Variants in KIF21A observed in about 807,000 individuals in gnomAD.
The protein encoded by KIF21A is kinesin family member 21A.
KIF21A carries 114 observed loss-of-function variants against 202.9 expected under a neutral mutation model. The ratio of observed to expected loss-of-function variants is 0.56; its 90% confidence interval spans 0.48 to 0.66. KIF21A has a LOEUF of 0.66. Ranked by LOEUF, KIF21A falls within the 30% of genes least tolerant of loss-of-function variation. The pLI is 0.00. For synonymous variants in KIF21A, 667 were observed against 670.8 expected (o/e 0.99, Z 0.09); for missense variants, 1,677 against 1,994.9 (o/e 0.84, Z 3.04).
chr12:39,421,723 T>TTATATA (rs374130613), intron 1 of KIF21A, among the ~76,000 whole-genome samples: 4,826 of 134,908 alleles, frequency 0.036, 212 homozygotes, highest in South Asian at 0.22. Context: ...TATATATAAT[T>TTATATA]TATATATATA....
intron 1 of KIF21A, among the ~76,000 whole-genome samples, chr12:39,376,228 T>C (rs911656294): frequency 6.6e-6 from 1 of 152,110 alleles, no homozygotes; most frequent in Non-Finnish European, 1.5e-5. Context: ...CACACATACA[T>C]TGTTATGCAA....
intron 1 of KIF21A, among the ~76,000 whole-genome samples, chr12:39,420,074 T>TA (rs72435342): frequency 0.089 from 7,382 of 83,136 alleles, 334 homozygotes; most frequent in South Asian, 0.26. Context: ...AGACAGAAAG[T>TA]AAAAAAAAAA....
intron 1 of KIF21A, 90 bp from the exon 2 acceptor site, chr12:39,370,351 C>A: frequency 1.1e-6 from 1 of 934,014 alleles, no homozygotes; most frequent in South Asian, 1.4e-5. Flanking sequence ...TTGGCCAAAT[C>A]TTTTTTAAAA....
At chr12:39,395,066 T>A (rs1324092409) in intron 1 of KIF21A, among the ~76,000 whole-genome samples, 1 of 152,190 alleles carries the variant, frequency 6.6e-6, no homozygotes, top group African/African-American at 2.4e-5. Flanking sequence ...TTCAAAGCCA[T>A]GTCTCACCTA....
At chr12:39,341,711 C>T (rs1310872352) in intron 13 of KIF21A, 89 bp from the exon 14 acceptor site, 60 of 1,375,522 alleles carry the variant, frequency 4.4e-5, no homozygotes, top group Non-Finnish European at 5.5e-5. Context: ...GTACAAAGTA[C>T]GGAAACATAA....
intron 7 of KIF21A, among the ~76,000 whole-genome samples, chr12:39,361,660 C>T (rs558871008): frequency 4.0e-5 from 6 of 148,934 alleles, no homozygotes; most frequent in Admixed American, 6.7e-5. Context: ...CGCCCGCCAC[C>T]ACGCCTGGCT....
intron 36 of KIF21A, among the ~76,000 whole-genome samples, chr12:39,302,331 T>C (rs1410709745): frequency 6.6e-6 from 1 of 152,124 alleles, no homozygotes; most frequent in Admixed American, 6.5e-5. Context: ...GTTTCTTGTT[T>C]GTTTGGTTTT....
At chr12:39,361,752 C>A (rs987608531) in intron 7 of KIF21A, among the ~76,000 whole-genome samples, 1 of 152,056 alleles carries the variant, frequency 6.6e-6, no homozygotes, top group Non-Finnish European at 1.5e-5. Context: ...ATGATCTGCC[C>A]GCCTTGGCCT....
At chr12:39,417,331 T>C (rs544433808) in intron 1 of KIF21A, among the ~76,000 whole-genome samples, 1 of 152,122 alleles carries the variant, frequency 6.6e-6, no homozygotes, top group African/African-American at 2.4e-5. Context: ...AACAGAAAAT[T>C]CTCCAGTAGA....
intron 1 of KIF21A, among the ~76,000 whole-genome samples, chr12:39,412,934 T>G (rs17558692): frequency 0.11 from 17,195 of 152,262 alleles, 1,238 homozygotes; most frequent in Non-Finnish European, 0.17. Context: ...CAAAAAACTC[T>G]CATGCATTTG....
chr12:39,369,542 TAAACTC>T (rs1324277370), intron 3 of KIF21A, among the ~76,000 whole-genome samples, 181 bp downstream of exon 3: 3 of 152,198 alleles, frequency 2.0e-5, no homozygotes, highest in African/African-American at 7.2e-5. Flanking sequence ...TTTATAATCT[TAAACTC>T]AAACATCACT....
chr12:39,392,298 T>A (rs1191846810), intron 1 of KIF21A, among the ~76,000 whole-genome samples: 1 of 152,166 alleles, frequency 6.6e-6, no homozygotes, highest in African/African-American at 2.4e-5. Context: ...AAGAAGATTG[T>A]GACATAAATA....
Position 39,330,235 on chromosome 12 carries a change from T to C in KIF21A, c.3340+7A>G, listed in dbSNP as rs1398435730. On this transcript the variant is annotated splice_region_variant and intron_variant, in intron 24 of 37. Coordinates refer to ENST00000361418, the MANE Select transcript of KIF21A (RefSeq NM_001173464.2). ...TGTAGGATACACAGAAAGCTAAACA[T>C]ACTTACCTAATGGTACGCTATCTAG... The C allele has an allele frequency of 6.2e-7, 1 of 1,610,766 alleles. No individual in the cohort carries two copies.
chr12:39,310,518 T>C (rs898675171), intron 32 of KIF21A, among the ~76,000 whole-genome samples: 4 of 152,046 alleles, frequency 2.6e-5, no homozygotes, highest in Non-Finnish European at 5.9e-5. Flanking sequence ...ATGCTTGCTT[T>C]TCACCTTTCT....
At chr12:39,349,390 G>A (rs1396632910) in intron 11 of KIF21A, among the ~76,000 whole-genome samples, 1 of 152,002 alleles carries the variant, frequency 6.6e-6, no homozygotes, top group African/African-American at 2.4e-5. Context: ...TAAGGTTGAG[G>A]TAGACCCACA....
intron 13 of KIF21A, 142 bp from the exon 14 acceptor site, chr12:39,341,764 C>T: frequency 1.0e-6 from 1 of 962,806 alleles, no homozygotes; most frequent in South Asian, 1.6e-5. Flanking sequence ...AAGGTTATTA[C>T]AGAGTAATTT....
chr12:39,381,624 A>C (rs867876332), intron 1 of KIF21A, among the ~76,000 whole-genome samples: 1 of 152,192 alleles, frequency 6.6e-6, no homozygotes, highest in Non-Finnish European at 1.5e-5. Context: ...CCCAATAACC[A>C]CAAGTGACAG....
chr12:39,351,755 A>T, intron 11 of KIF21A, 22 bp downstream of exon 11: 1 of 1,347,970 alleles, frequency 7.4e-7, no homozygotes, highest in Non-Finnish European at 1.1e-6. Context: ...AGATTCATTT[A>T]GTGGTGATTT....
chr12:39,295,703 T>G (rs1272274185), intron 37 of KIF21A, among the ~76,000 whole-genome samples: 1 of 142,212 alleles, frequency 7.0e-6, no homozygotes, highest in Non-Finnish European at 1.5e-5. Context: ...TTTTTTTTTT[T>G]TTTTTTTTTT....
Sources: allele counts gnomAD v4.1 joint callset (sites outside exome capture counted in the v4.1 genomes callset), GRCh38; gene constraint gnomAD v4.1.1; transcripts MANE v1.5; gene names NCBI Gene and HGNC (gene_info 2026-07-23, HGNC 2026-07-21).